The following TMEM44 variants were observed in gnomAD, a reference collection of about 807,000 sequenced individuals.
The protein encoded by TMEM44 is transmembrane protein 44.
A neutral mutation model predicts 47.8 loss-of-function variants in TMEM44; 43 were observed. That is an observed-to-expected ratio of 0.90 (90% confidence interval 0.70 to 1.16). The LOEUF (loss-of-function observed/expected upper bound fraction) is 1.16. Ranked by LOEUF, TMEM44 falls within the 50% of genes most tolerant of loss-of-function variation. The probability of loss-of-function intolerance (pLI) is 0.00; values close to 1 mark genes in which losing one functional copy is unlikely to be tolerated. For synonymous variants in TMEM44, 277 were observed against 238.8 expected (o/e 1.16, Z -1.48); for missense variants, 568 against 555.2 (o/e 1.02, Z -0.23).
Position 194,604,359 on chromosome 3 carries a change from G to A in TMEM44, c.1104C>T (p.Pro368=), listed in dbSNP as rs984130040. The change falls in exon 9 of 10, where the codon CCC becomes CCT. Residue 368 remains proline (P), a synonymous_variant. Transcript: ENST00000347147. ...ACACCCGGGCCCGGATGACCTGAAC[G>A]GGAGGGTACGACGGGGGGTCCTGCA... is the stretch of plus-strand genomic sequence containing the variant. ...ASLQDPPSYP[P]VQVIRARVSS... 4.5e-6 allele frequency: 7 copies of A among 1,568,096 alleles called. No individual in the cohort carries two copies. The highest frequency in any genetic ancestry group is 3.8e-5 in the Admixed American group (2 of 53,096).
chr3:194,623,833 TC>T, intron 3 of TMEM44, 138 bp from the exon 4 acceptor site: 12 of 1,121,700 alleles, frequency 1.1e-5, no homozygotes, highest in Non-Finnish European at 1.1e-5. Context: ...GGCCAGCTCC[TC>T]CCCACCCTTC....
intron 5 of TMEM44, chr3:194,617,526 C>T: frequency 1.5e-5 from 9 of 609,872 alleles, no homozygotes; most frequent in Non-Finnish European, 2.6e-5. Flanking sequence ...GAGCAAGCAA[C>T]TCCCTTTTCT....
At chr3:194,614,083 C>T (rs949673509) in intron 7 of TMEM44, among the ~76,000 whole-genome samples, 25 of 151,984 alleles carry the variant, frequency 1.6e-4, no homozygotes, top group African/African-American at 5.3e-4. Context: ...GATCGTGCCA[C>T]GGCACTCCAG....
chr3:194,621,234 G>A (rs574509004), intron 5 of TMEM44, among the ~76,000 whole-genome samples: 1 of 152,242 alleles, frequency 6.6e-6, no homozygotes, highest in South Asian at 2.1e-4. Flanking sequence ...ACAAGCCAAG[G>A]GGCTACCCGA....
intron 1 of TMEM44, among the ~76,000 whole-genome samples, chr3:194,630,820 C>G (rs895893743): frequency 7.4e-6 from 1 of 135,170 alleles, no homozygotes; most frequent in African/African-American, 2.8e-5. Context: ...TGGCTGTTTC[C>G]GTCGGCATCA....
chr3:194,613,305 G>C (rs1577194851), intron 7 of TMEM44, among the ~76,000 whole-genome samples: 2 of 151,900 alleles, frequency 1.3e-5, no homozygotes, highest in South Asian at 4.2e-4. Flanking sequence ...AGCCTCCTGA[G>C]TAGCTGGGAT....
chr3:194,611,653 C>T lies in TMEM44; in HGVS notation c.913-633G>A, dbSNP rs535314054. Among the ~76,000 whole-genome samples, 22 of 152,266 alleles carry T rather than the reference C, an allele frequency of 1.4e-4. No homozygotes were observed. In the South Asian group the frequency reaches 4.4e-3, roughly 30 times the overall value. Reference sequence around the variant, plus strand: ...AGTTTGCGAACCACTGCAATAGGTGCCCAATAAGTGCTTTTGCAAAGCTGT... The same window carrying T: ...AGTTTGCGAACCACTGCAATAGGTGTCCAATAAGTGCTTTTGCAAAGCTGT... On this transcript the variant is annotated intron_variant, in intron 7 of 9. Coordinates refer to ENST00000347147, the MANE Select transcript of TMEM44 (RefSeq NM_001011655.3). The surrounding 1 kb of genome is among the most constrained non-coding windows in gnomAD (Gnocchi z 4.2).
chr3:194,614,406 A>T (rs1400048417), intron 7 of TMEM44, among the ~76,000 whole-genome samples: 2 of 152,156 alleles, frequency 1.3e-5, no homozygotes, highest in African/African-American at 4.8e-5. Flanking sequence ...AAAATCACAT[A>T]ATTTACTTAT....
rs747011473 is a variant in TMEM44 at position 194,588,480 on chromosome 3, C to T, written c.*49G>A. On this transcript the variant is annotated 3_prime_UTR_variant, in exon 10 of 10. Transcript: ENST00000347147. ...GATTGATTCCCGCTGCGTTACTGAACGAACTCCTGACCCTGGGCTCTGAGC... is the reference window on the plus strand; with the variant it reads ...GATTGATTCCCGCTGCGTTACTGAATGAACTCCTGACCCTGGGCTCTGAGC... 26 of 1,556,296 alleles carry T rather than the reference C, an allele frequency of 1.7e-5. No homozygotes were observed. Among genetic ancestry groups the T allele is most frequent in the African/African-American group, 6.8e-5 (5 of 73,710 alleles).
At position 194,588,631 on chromosome 3, in the gene TMEM44, A is replaced by G. The variant is rs1374636967; in HGVS notation, c.1185T>C (p.Pro395=). 3.1e-6 allele frequency: 5 copies of G among 1,614,026 alleles called. No homozygotes were observed. Among genetic ancestry groups the G allele is most frequent in the South Asian group, 1.1e-5 (1 of 91,090 alleles). Residue 395 remains proline (P), a synonymous_variant, in exon 10 of 10, where the codon CCT becomes CCC. Transcript: ENST00000347147. ...SSINSDLEWD[P]EDVNLEGSKE... ...TGCTGCCTTCGAGGTTCACATCTTC[A>G]GGGTCCCACTATGGAGAAAAGATGC...
At chr3:194,602,099 T>C (rs1347874021) in intron 9 of TMEM44, among the ~76,000 whole-genome samples, 1 of 152,178 alleles carries the variant, frequency 6.6e-6, no homozygotes, top group African/African-American at 2.4e-5. Flanking sequence ...GTGCCTTGGG[T>C]ACCCTACAAA....
At chr3:194,615,441 G>A (rs1420210512) in intron 7 of TMEM44, 128 bp downstream of exon 7, 1 of 1,311,378 alleles carries the variant, frequency 7.6e-7, no homozygotes, top group Non-Finnish European at 1.0e-6. Flanking sequence ...ACAGCTGTCT[G>A]AGTCGCCTGC....
chr3:194,617,013 G>C, intron 6 of TMEM44, 86 bp downstream of exon 6: 1 of 1,383,628 alleles, frequency 7.2e-7, no homozygotes, highest in Non-Finnish European at 9.5e-7. Flanking sequence ...CAAGAGAAAA[G>C]AAGGGTGGGG....
chr3:194,595,273 G>A (rs1713262777), intron 9 of TMEM44, among the ~76,000 whole-genome samples: 1 of 152,038 alleles, frequency 6.6e-6, no homozygotes, highest in African/African-American at 2.4e-5. Context: ...TCAAACCACT[G>A]CATACGGCAT....
chr3:194,615,964 C>T (rs766131266), intron 6 of TMEM44, among the ~76,000 whole-genome samples: 9 of 152,104 alleles, frequency 5.9e-5, no homozygotes, highest in African/African-American at 1.2e-4. Context: ...TTTTGGAAAA[C>T]GTCTTTCTTG....
At chr3:194,605,971 G>A (rs961346454) in intron 8 of TMEM44, among the ~76,000 whole-genome samples, 12 of 152,120 alleles carry the variant, frequency 7.9e-5, no homozygotes, top group Admixed American at 7.2e-4. Flanking sequence ...AGAAACAAAG[G>A]CAGCATTCTG....
intron 1 of TMEM44, 195 bp downstream of exon 1, chr3:194,632,884 C>T: frequency 1.0e-6 from 1 of 985,714 alleles, no homozygotes; most frequent in Non-Finnish European, 1.4e-6. Context: ...TGGCTCACAG[C>T]CCAGCTTCCC....
intron 4 of TMEM44, 90 bp downstream of exon 4, chr3:194,623,439 C>T: frequency 1.3e-6 from 2 of 1,510,176 alleles, no homozygotes; most frequent in Non-Finnish European, 8.9e-7. Context: ...AAGGCTTAAC[C>T]CCACTCCCCT....
At chr3:194,629,263 C>T (rs762057392) in intron 1 of TMEM44, among the ~76,000 whole-genome samples, 2 of 152,148 alleles carry the variant, frequency 1.3e-5, no homozygotes, top group East Asian at 1.9e-4. Flanking sequence ...TAAATTCAAA[C>T]GAAATTCTTC....
Sources: gnomAD v4.1 joint callset for allele counts (sites outside exome capture counted in the v4.1 genomes callset) on GRCh38, gnomAD v4.1.1 for gene constraint, Gnocchi (gnomAD v3.1) non-coding constraint, MANE v1.5 for transcripts, NCBI Gene and HGNC (gene_info 2026-07-23, HGNC 2026-07-21) for gene names.